Variants in FGFR3 observed in about 807,000 individuals in gnomAD.
The protein encoded by FGFR3 is FGFR-3.
FGFR3 carries 25 observed loss-of-function variants against 82.9 expected under a neutral mutation model. The observed-to-expected ratio is 0.30, with a 90% CI of 0.22 to 0.42. The LOEUF (loss-of-function observed/expected upper bound fraction) is 0.42. Ranked by LOEUF, FGFR3 falls within the 10% of genes least tolerant of loss-of-function variation. The pLI, the probability that FGFR3 is intolerant of heterozygous loss-of-function variation, is 1.00. For missense variants in FGFR3, 1,026 were observed against 1,161.0 expected (o/e 0.88, Z 1.69); for synonymous variants, 620 against 516.0 (o/e 1.20, Z -2.73).
In FGFR3 at chr4:1,806,303, G is replaced by A. The variant is rs773089715; in HGVS notation, c.2006G>A (p.Arg669Gln). 8 of 1,517,650 alleles carry A rather than the reference G, an allele frequency of 5.3e-6. No individual in the cohort carries two copies. The highest frequency in any genetic ancestry group is 1.8e-5 in the Admixed American group (1 of 54,612). The allele number at this position is 1,517,650 out of a possible 1,614,324, so 94.0% of individuals were successfully genotyped here. The change falls in exon 15 of 18, where the codon CGA (arginine) becomes CAA (glutamine). Residue 669 changes from arginine (R) to glutamine (Q), a missense_variant. By Grantham distance (43) the Arg-to-Gln change is conservative. Coordinates refer to ENST00000440486, the MANE Select transcript of FGFR3 (RefSeq NM_000142.5). ...KWMAPEALFD[R>Q]VYTHQSDVWS... is the part of the protein sequence containing the mutation. ...ATGGCGCCTGAGGCCTTGTTTGACC[G>A]AGTCTACACTCACCAGAGTGACGTG...
At chr4:1,805,109 T>C in intron 10 of FGFR3, 140 bp downstream of exon 10, 1 of 1,328,294 alleles carries the variant, frequency 7.5e-7, no homozygotes. Context: ...TCTGTGGAGA[T>C]GCTCCTGGGA....
intron 2 of FGFR3, among the ~76,000 whole-genome samples, chr4:1,797,457 C>G (rs1343759655): frequency 6.6e-6 from 1 of 152,164 alleles, no homozygotes. Context: ...TGTGGCTGGC[C>G]TGGGGCTGCT....
rs1332881180 is a variant in FGFR3 at position 1,795,606 on chromosome 4, C to T, written c.109+1563C>T. 3.9e-5 allele frequency among the ~76,000 whole-genome samples: 6 copies of T among 152,236 alleles called. 1 individual carries two copies. The highest frequency in any genetic ancestry group is 5.9e-5 in the Non-Finnish European group (4 of 68,036). On this transcript the variant is annotated intron_variant, in intron 2 of 17. Coordinates refer to ENST00000440486, the MANE Select transcript of FGFR3 (RefSeq NM_000142.5). ...TTGCCCGGGAACATAAATTATGGAG[C>T]CTTGGCTCGCAGGGGTCAAGGGCGG...
chr4:1,806,289 G>A lies in FGFR3; in HGVS notation c.1992G>A (p.Glu664=), dbSNP rs761645676. 6.4e-7 allele frequency: 1 copy of A among 1,559,638 alleles called. No homozygotes were observed. The highest frequency in any genetic ancestry group is 8.7e-7 in the Non-Finnish European group (1 of 1,150,840). The change falls in exon 15 of 18, where the codon GAG becomes GAA. Residue 664 remains glutamate, a synonymous_variant. Transcript: ENST00000440486. The part of the protein sequence containing the change: ...GRLPVKWMAP[E]ALFDRVYTHQ... ...TGCCCGTGAAGTGGATGGCGCCTGA[G>A]GCCTTGTTTGACCGAGTCTACACTC... is the stretch of plus-strand genomic sequence containing the variant.
chr4:1,806,943 T>C lies in FGFR3; in HGVS notation c.2274+9T>C, dbSNP rs1334465076. The C allele has an allele frequency of 6.3e-7, 1 of 1,591,862 alleles. No homozygotes were observed. Among genetic ancestry groups the C allele is most frequent in the East Asian group, 2.3e-5 (1 of 43,680 alleles). On this transcript the variant is annotated intron_variant, in intron 17 of 17. Coordinates refer to ENST00000440486, the MANE Select transcript of FGFR3 (RefSeq NM_000142.5). The stretch of plus-strand genomic sequence containing the variant: ...CCGTGACGTCCACCGACGTGAGTGC[T>C]GGCTCTGGCCTGGTGCCACCCGCCT...
In FGFR3 at chr4:1,793,410, G is replaced by A. The variant is rs1225182906; in HGVS notation, c.-158G>A. The A allele has an allele frequency of 1.3e-5, 2 of 149,018 alleles. No homozygotes were observed. Among genetic ancestry groups the A allele is most frequent in the East Asian group, 3.9e-4 (2 of 5,118 alleles). 9.2% of individuals were successfully genotyped at this position (149,018 alleles called of 1,614,324 possible). On this transcript the variant is annotated 5_prime_UTR_variant, in exon 1 of 18. Transcript: ENST00000440486. The stretch of plus-strand genomic sequence containing the variant: ...GGACGGGGCGGGAGCTGGGCCCGCG[G>A]ACAGCGAGCCGGAGCGGGAGCCGCG...
intron 7 of FGFR3, 21 bp downstream of exon 7, chr4:1,802,046 G>C: frequency 1.2e-6 from 2 of 1,603,140 alleles, no homozygotes; most frequent in Middle Eastern, 1.7e-4. Flanking sequence ...GTGTGCACGT[G>C]GGTGCCGCCG....
intron 15 of FGFR3, 31 bp downstream of exon 15, chr4:1,806,358 G>A (rs567320309): frequency 1.1e-5 from 17 of 1,611,998 alleles, no homozygotes; most frequent in Non-Finnish European, 1.4e-5. Context: ...AGGCTTCAGG[G>A]GTGGAGGCGG....
intron 7 of FGFR3, 86 bp downstream of exon 7, chr4:1,802,111 A>G: frequency 6.9e-7 from 1 of 1,449,764 alleles, no homozygotes; most frequent in Non-Finnish European, 9.4e-7. Context: ...TTGCGTGAGG[A>G]TTTGGGTCTA....
chr4:1,803,663 T>G (rs781575419), intron 7 of FGFR3, 29 bp from the exon 8 acceptor site: 16 of 1,610,288 alleles, frequency 9.9e-6, no homozygotes, highest in Non-Finnish European at 1.4e-5. Flanking sequence ...GTGCTGGCGC[T>G]CGCCTATCGC....
rs374561001 is a variant in FGFR3, at chr4:1,799,316, G to A, written c.172G>A (p.Glu58Lys). Residue 58 changes from glutamate (E) to lysine (K), a missense_variant, in exon 3 of 18, where the codon GAG becomes AAG. Physicochemically the swap from Glu to Lys is moderately conservative, Grantham distance 56. Coordinates refer to ENST00000440486, the MANE Select transcript of FGFR3 (RefSeq NM_000142.5). ...GGTCTTCGGCAGCGGGGATGCTGTGGAGCTGAGCTGTCCCCCGCCCGGGGG... is the reference window on the plus strand; with the variant it reads ...GGTCTTCGGCAGCGGGGATGCTGTGAAGCTGAGCTGTCCCCCGCCCGGGGG... ...QLVFGSGDAV[E>K]LSCPPPGGGP... The A allele has an allele frequency of 1.9e-5, 31 of 1,612,570 alleles. No individual in the cohort carries two copies. The highest frequency in any genetic ancestry group is 2.5e-5 in the Non-Finnish European group (29 of 1,179,950).
Position 1,807,865 on chromosome 4 carries a change from A to T in FGFR3, c.*603A>T. ...AGGTTTATTCCGGAAACTAGTGTAC[A>T]TTTCTATAAATAGATGCTGTGTATA... On this transcript the variant is annotated 3_prime_UTR_variant, in exon 18 of 18. Transcript: ENST00000440486. The T allele has an allele frequency of 2.4e-6, 1 of 425,262 alleles. No homozygotes were observed. Among genetic ancestry groups the T allele is most frequent in the South Asian group, 2.2e-5 (1 of 45,406 alleles). The allele number at this position is 425,262 out of a possible 1,614,324, so 26.3% of individuals were successfully genotyped here.
At chr4:1,794,087 G>A in intron 2 of FGFR3, 44 bp downstream of exon 2, 2 of 1,201,094 alleles carry the variant, frequency 1.7e-6, no homozygotes, top group East Asian at 3.2e-5. Flanking sequence ...GGCCCGTGCG[G>A]GCAGAGGCGT....
chr4:1,803,061 G>A, intron 7 of FGFR3: 3 of 1,594,454 alleles, frequency 1.9e-6, no homozygotes, highest in Non-Finnish European at 2.6e-6. Context: ...CGGGCCCCGA[G>A]CAGGTAACGA....
rs2108802100 is a variant in FGFR3 at position 1,805,379 on chromosome 4, G to A, written c.1437G>A (p.Gly479=). ...RARLTLGKPL[G]EGCFGQVVMA... ...GGCTGACCCTGGGCAAGCCCCTTGG[G>A]GAGGGCTGCTTCGGCCAGGTGGTCA... Residue 479 remains glycine, a synonymous_variant, in exon 11 of 18, where the codon GGG becomes GGA. Transcript: ENST00000440486. 5 of 1,612,388 alleles carry A rather than the reference G, an allele frequency of 3.1e-6. No homozygotes were observed. The highest frequency in any genetic ancestry group is 4.2e-6 in the Non-Finnish European group (5 of 1,179,864).
intron 17 of FGFR3, 70 bp downstream of exon 17, chr4:1,807,004 C>G: frequency 4.5e-6 from 7 of 1,554,448 alleles, no homozygotes; most frequent in Non-Finnish European, 6.1e-6. Context: ...CCATCCTGCC[C>G]CCCAGAGTGC....
chr4:1,804,541 G>A, intron 9 of FGFR3, 21 bp downstream of exon 9: 1 of 1,610,598 alleles, frequency 6.2e-7, no homozygotes, highest in Non-Finnish European at 8.5e-7. Flanking sequence ...GTAGATACCA[G>A]GTTCTGAGCT....
At chr4:1,800,625 T>G (rs1721070041) in intron 4 of FGFR3, among the ~76,000 whole-genome samples, 1 of 152,104 alleles carries the variant, frequency 6.6e-6, no homozygotes, top group South Asian at 2.1e-4. Context: ...GTGTCCACAC[T>G]GCTGCTTGCT....
chr4:1,803,287 A>G, intron 7 of FGFR3: 1 of 557,854 alleles, frequency 1.8e-6, no homozygotes, highest in Non-Finnish European at 2.9e-6. Context: ...CGACCCCCAC[A>G]GGAGGTGCCC....
Sources: gnomAD v4.1 joint callset for allele counts (sites outside exome capture counted in the v4.1 genomes callset) on GRCh38, gnomAD v4.1.1 for gene constraint, MANE v1.5 for transcripts, NCBI Gene and HGNC (gene_info 2026-07-23, HGNC 2026-07-21) for gene names.